The following CC2D2A variants were observed in gnomAD, a reference collection of about 807,000 sequenced individuals.
CC2D2A encodes coiled-coil and C2 domain-containing protein 2A.
Under a neutral mutation model 212.9 loss-of-function variants are expected in CC2D2A, and 155 were observed. The ratio of observed to expected loss-of-function variants is 0.73; its 90% confidence interval spans 0.64 to 0.83. The LOEUF is 0.83. Ranked by LOEUF, CC2D2A falls within the 40% of genes least tolerant of loss-of-function variation. CC2D2A has a pLI of 0.00. For missense variants in CC2D2A, 1,856 were observed against 1,956.2 expected, an observed-to-expected ratio of 0.95 and a Z score of 0.97; for synonymous variants, 667 against 686.5, an observed-to-expected ratio of 0.97 and a Z score of 0.44.
chr4:15,528,678 C>T lies in CC2D2A; in HGVS notation c.1418C>T (p.Ser473Phe), dbSNP rs373177807. The change falls in exon 13 of 37, where the codon TCT becomes TTT. Residue 473 changes from serine (S) to phenylalanine (F), a missense_variant. By Grantham distance (155) the Ser-to-Phe change is radical. This residue lies in a region of CC2D2A where 1,512 missense variants were observed against 1,579.3 expected (regional missense o/e 0.96). Transcript: ENST00000424120. ...TGLDPEKPHQ[S>F]LDTIQKTINE... ...CTTGATCCAGAAAAACCTCATCAGT[C>T]TCTCGATACCATCCAAAAAACCATC... The T allele has an allele frequency of 3.7e-6, 6 of 1,613,542 alleles. No individual in the cohort carries two copies. The African/African-American group carries it at 5.3e-5, about 14-fold the overall frequency.
chr4:15,597,428 CGCTCAG>C lies in CC2D2A; in HGVS notation c.4460_4465del (p.Arg1487_Asp1489delinsHis), dbSNP rs1560199861. On this transcript the variant is annotated inframe_deletion, in exon 35 of 37. Transcript: ENST00000424120. ...ATAGCCTGAAGAGCTAATTTACCAGCGCTCAGACAAAGCAGCTGCAGCTGAGCTACA... is the reference window on the plus strand; with the variant it reads ...ATAGCCTGAAGAGCTAATTTACCAGCACAAAGCAGCTGCAGCTGAGCTACA... 1 of 1,552,668 alleles carries C rather than the reference CGCTCAG, an allele frequency of 6.4e-7. No homozygotes were observed. The highest frequency in any genetic ancestry group is 1.2e-5 in the South Asian group (1 of 84,124).
At chr4:15,518,986 C>G (rs369688730) in intron 11 of CC2D2A, among the ~76,000 whole-genome samples, 1 of 152,174 alleles carries the variant, frequency 6.6e-6, no homozygotes. Context: ...GATAAACATT[C>G]GGCTCCATGT....
At chr4:15,511,918 T>C (rs536759664) in intron 8 of CC2D2A, among the ~76,000 whole-genome samples, 1 of 152,238 alleles carries the variant, frequency 6.6e-6, no homozygotes, top group Non-Finnish European at 1.5e-5. Flanking sequence ...AGGTATTGAA[T>C]AGACATTTCT....
intron 3 of CC2D2A, chr4:15,479,391 G>A (rs1232426594): frequency 7.8e-7 from 1 of 1,280,804 alleles, no homozygotes; most frequent in African/African-American, 1.5e-5. Flanking sequence ...ATTGTGGATG[G>A]GAGCTCTGCT....
intron 5 of CC2D2A, 92 bp downstream of exon 5, chr4:15,502,609 T>C (rs1296479730): frequency 6.0e-6 from 7 of 1,163,372 alleles, no homozygotes; most frequent in Non-Finnish European, 8.6e-6. Context: ...ACTGCATGGA[T>C]TTGAATACCA....
chr4:15,524,733 G>A (rs1183816852), intron 11 of CC2D2A, among the ~76,000 whole-genome samples: 2 of 152,174 alleles, frequency 1.3e-5, no homozygotes, highest in Non-Finnish European at 2.9e-5. Context: ...TTACAGGCGT[G>A]AGCCACCGCA....
At chr4:15,550,777 C>A (rs772042798) in intron 17 of CC2D2A, 47 bp from the exon 18 acceptor site, 5 of 1,416,700 alleles carry the variant, frequency 3.5e-6, no homozygotes, top group Non-Finnish European at 4.8e-6. Flanking sequence ...AGCGTGAGCA[C>A]ACACTACTGC....
Position 15,478,808 on chromosome 4 carries a change from T to A in CC2D2A, c.123+2T>A. The A allele has an allele frequency of 6.4e-7, 1 of 1,550,808 alleles. No individual in the cohort carries two copies. The highest frequency in any genetic ancestry group is 8.7e-7 in the Non-Finnish European group (1 of 1,145,854). On this transcript the variant is annotated splice_donor_variant, in intron 3 of 36. Coordinates refer to ENST00000424120, the MANE Select transcript of CC2D2A (RefSeq NM_001378615.1). LOFTEE classifies it high-confidence loss of function. ...CGAAGACAGCCAAGAAAGAAACAGG[T>A]AAGAAGTGACAAGAAACTGTGTCTG...
chr4:15,527,413 C>A (rs1311145425), intron 11 of CC2D2A, 34 bp from the exon 12 acceptor site: 5 of 1,521,978 alleles, frequency 3.3e-6, no homozygotes, highest in Non-Finnish European at 4.5e-6. Context: ...AGTGCTTTAA[C>A]TGTGTTCTGT....
chr4:15,560,655 T>C, intron 23 of CC2D2A, 33 bp downstream of exon 23: 1 of 892,294 alleles, frequency 1.1e-6, no homozygotes. Context: ...TTATCAATTC[T>C]TATAAAAATT....
intron 35 of CC2D2A, 39 bp from the exon 36 acceptor site, chr4:15,599,490 G>A (rs751242701): frequency 3.0e-5 from 41 of 1,358,960 alleles, no homozygotes; most frequent in Non-Finnish European, 3.0e-5. Flanking sequence ...CAAGGGAAAA[G>A]TGAGTCACCA....
chr4:15,584,555 A>G (rs1720783535), intron 30 of CC2D2A, among the ~76,000 whole-genome samples: 1 of 152,242 alleles, frequency 6.6e-6, no homozygotes, highest in African/African-American at 2.4e-5. Context: ...CTATTAAAAG[A>G]CAATACAAGG....
chr4:15,575,109 G>A (rs1720346357), intron 29 of CC2D2A, among the ~76,000 whole-genome samples: 2 of 152,304 alleles, frequency 1.3e-5, no homozygotes, highest in South Asian at 4.1e-4. Flanking sequence ...GGATTTGGGA[G>A]AATATATTGA....
intron 1 of CC2D2A, among the ~76,000 whole-genome samples, chr4:15,470,677 CTCTCTCTCTCTCTATATATATA>C (rs1337077901): frequency 1.3e-4 from 10 of 77,240 alleles, no homozygotes; most frequent in East Asian, 1.1e-3. Flanking sequence ...CTCTCTCTCT[CTCTCTCTCTCTCTATATATATA>C]TATATATATA....
intron 4 of CC2D2A, among the ~76,000 whole-genome samples, chr4:15,491,117 A>T (rs1203475123): frequency 6.6e-6 from 1 of 152,142 alleles, no homozygotes; most frequent in Non-Finnish European, 1.5e-5. Context: ...CTGCTACAAT[A>T]GAATCTCTGA....
intron 12 of CC2D2A, 73 bp from the exon 13 acceptor site, chr4:15,528,547 G>T: frequency 6.4e-6 from 8 of 1,241,042 alleles, no homozygotes; most frequent in Admixed American, 3.5e-5. Flanking sequence ...CCCAGGAGAA[G>T]TGGGTGGGTC....
chr4:15,536,820 G>C, intron 14 of CC2D2A, 100 bp from the exon 15 acceptor site: 1 of 1,095,494 alleles, frequency 9.1e-7, no homozygotes, highest in South Asian at 1.7e-5. Flanking sequence ...TTTTAGAAGA[G>C]GAACTGGCAC....
At position 15,574,208 on chromosome 4, in the gene CC2D2A, G is replaced by A. The variant is rs1052251029; in HGVS notation, c.3653G>A (p.Arg1218Gln). The stretch of plus-strand genomic sequence containing the variant: ...GTTCTTCTGGGCTACAGTAAGGAGC[G>A]AAATATGATTCTTGAGCGGGGTTTT... ...PPVLLGYSKERNMILERGFDS... is the reference protein window; with the variant it reads ...PPVLLGYSKEQNMILERGFDS... The change falls in exon 29 of 37, where the codon CGA becomes CAA. Residue 1218 changes from arginine (R) to glutamine (Q), a missense_variant. By Grantham distance (43) the Arg-to-Gln change is conservative. Around this residue, in one of 5 missense-constraint regions of CC2D2A, gnomAD observed 1,512 missense variants for 1,579.3 expected, o/e 0.96. Transcript: ENST00000424120. The A allele has an allele frequency of 4.6e-5, 71 of 1,551,308 alleles. No individual in the cohort carries two copies. Among genetic ancestry groups the A allele is most frequent in the Middle Eastern group, 1.7e-4 (1 of 5,996 alleles).
intron 6 of CC2D2A, among the ~76,000 whole-genome samples, chr4:15,508,072 C>G (rs1716360530): frequency 6.6e-6 from 1 of 152,140 alleles, no homozygotes; most frequent in Admixed American, 6.5e-5. Context: ...GTCAAAGCAC[C>G]ATATTTTGGG....
Sources: allele counts gnomAD v4.1 joint callset (sites outside exome capture counted in the v4.1 genomes callset), GRCh38; gene constraint gnomAD v4.1.1; regional missense constraint gnomAD v4.1.1; transcripts MANE v1.5; gene names NCBI Gene and HGNC (gene_info 2026-07-23, HGNC 2026-07-21).